TSBP1: variants seen among roughly 807,000 people sequenced by gnomAD.
TSBP1 encodes testis-expressed basic protein 1.
In TSBP1, 56 loss-of-function variants were observed where a neutral mutation model predicts 68.8. The observed-to-expected ratio is 0.81, with a 90% CI of 0.66 to 1.02. The LOEUF (loss-of-function observed/expected upper bound fraction) is 1.02, where lower values mean the gene tolerates loss of function less well. TSBP1 is among the 50% of genes least tolerant of loss of function. The pLI, the probability that TSBP1 is intolerant of heterozygous loss-of-function variation, is 0.00. For synonymous variants in TSBP1, 171 were observed against 208.7 expected, an observed-to-expected ratio of 0.82 and a Z score of 1.56; for missense variants, 502 against 641.2, an observed-to-expected ratio of 0.78 and a Z score of 2.34.
intron 6 of TSBP1, among the ~76,000 whole-genome samples, chr6:32,359,947 G>T (rs1772805543): frequency 6.6e-6 from 1 of 151,980 alleles, no homozygotes; most frequent in African/African-American, 2.4e-5. Context: ...GTATTACAGT[G>T]TGCGATTCTA....
At chr6:32,371,620 G>T in intron 1 of TSBP1, 74 bp downstream of exon 1, 1 of 1,031,146 alleles carries the variant, frequency 9.7e-7, no homozygotes, top group Non-Finnish European at 1.5e-6. Context: ...TTGTGTTAAA[G>T]TCCCTAAGTC....
At position 32,336,975 on chromosome 6, in the gene TSBP1, A is replaced by G. The variant is rs1769749313; in HGVS notation, c.410-340T>C. 1.4e-5 allele frequency among the ~76,000 whole-genome samples: 1 copy of G among 69,036 alleles called. No homozygotes were observed. The highest frequency in any genetic ancestry group is 4.1e-5 in the Non-Finnish European group (1 of 24,528). The allele number at this position is 69,036 out of a possible 152,430, so 45.3% of individuals were successfully genotyped here. The stretch of plus-strand genomic sequence containing the variant: ...CTTGGGCATCAGAAGGTGTCAGAAG[A>G]TTTGAATACAATTAAGAAGTATGAG... On this transcript the variant is annotated intron_variant, in intron 11 of 22. Coordinates refer to ENST00000612031, the Ensembl canonical transcript of TSBP1. This position sits in a 1 kb window ranked among gnomAD's most constrained non-coding sequence, Gnocchi z 5.2.
chr6:32,352,485 AAAG>A (rs1351590181), intron 8 of TSBP1, among the ~76,000 whole-genome samples: 7 of 152,076 alleles, frequency 4.6e-5, no homozygotes, highest in South Asian at 2.1e-4. Context: ...AGAAGGTAGA[AAAG>A]AAGATTTAAA....
rs1245792962 is a variant in TSBP1, at chr6:32,323,279, G to A, written c.539-142C>T. ...TCTATGACTATGTATTCTTGAGTAA[G>A]TATTTGGCTCAGTTTCTTATCTCTT... is the stretch of plus-strand genomic sequence containing the variant. On this transcript the variant is annotated intron_variant, in intron 17 of 22. Coordinates refer to ENST00000612031, the Ensembl canonical transcript of TSBP1. The A allele has an allele frequency of 2.0e-5, 13 of 665,268 alleles. 1 individual carries two copies. In the East Asian group the frequency reaches 3.2e-4, roughly 16 times the overall value. The allele number at this position is 665,268 out of a possible 1,614,324, so 41.2% of individuals were successfully genotyped here.
intron 6 of TSBP1, among the ~76,000 whole-genome samples, chr6:32,360,011 A>G (rs1199921463): frequency 6.6e-6 from 1 of 152,176 alleles, no homozygotes; most frequent in Non-Finnish European, 1.5e-5. Flanking sequence ...TAACATATCT[A>G]CCACTTCAAA....
chr6:32,345,546 G>A (rs1770917154), intron 9 of TSBP1, among the ~76,000 whole-genome samples: 1 of 148,778 alleles, frequency 6.7e-6, no homozygotes, highest in Admixed American at 6.7e-5. Flanking sequence ...TTATGCCTAA[G>A]TTTATTCATT....
At position 32,329,993 on chromosome 6, in the gene TSBP1, G is replaced by A. The variant is rs547203526; in HGVS notation, c.514+596C>T. 2.0e-5 allele frequency among the ~76,000 whole-genome samples: 3 copies of A among 151,574 alleles called. No individual in the cohort carries two copies. In the East Asian group the frequency reaches 5.8e-4, roughly 30 times the overall value. On this transcript the variant is annotated intron_variant, in intron 16 of 22. Transcript: ENST00000612031. ...TTACTGTTATATCCTGTTCCATGAG[G>A]TGCTCTGTCCTATCTTTCTTTTCCT...
At chr6:32,362,642 ATT>A (rs1328721804) in intron 6 of TSBP1, among the ~76,000 whole-genome samples, 1 of 152,160 alleles carries the variant, frequency 6.6e-6, no homozygotes, top group Non-Finnish European at 1.5e-5. Context: ...TCCAGAAACA[ATT>A]TTGTTTGACG....
intron 22 of TSBP1, among the ~76,000 whole-genome samples, chr6:32,295,349 C>CACA (rs1562048656): frequency 1.1e-5 from 1 of 90,866 alleles, no homozygotes; most frequent in Middle Eastern, 6.2e-3. Context: ...CACACACACA[C>CACA]AAAAAAAAAA....
chr6:32,325,072 G>A lies in TSBP1; in HGVS notation c.515-1458C>T. The A allele has an allele frequency of 2.1e-6, 1 of 466,344 alleles. No individual in the cohort carries two copies. Among genetic ancestry groups the A allele is most frequent in the Non-Finnish European group, 3.7e-6 (1 of 267,416 alleles). 28.9% of individuals were successfully genotyped at this position (466,344 alleles called of 1,614,324 possible). A position where few individuals can be genotyped will look rare whatever the true frequency, so the allele number is the denominator to read the frequency against. Reference sequence around the variant, plus strand: ...CATGGAAAGTTCCTAACATTCTTTAGAGTCATGTAAAAACTTTTTTCTCAG... The same window carrying A: ...CATGGAAAGTTCCTAACATTCTTTAAAGTCATGTAAAAACTTTTTTCTCAG... On this transcript the variant is annotated intron_variant, in intron 16 of 22. Transcript: ENST00000612031. The surrounding 1 kb of genome is among the most constrained non-coding windows in gnomAD (Gnocchi z 4.4).
intron 16 of TSBP1, chr6:32,324,326 C>T: frequency 2.3e-6 from 1 of 426,860 alleles, no homozygotes; most frequent in South Asian, 2.3e-5. Context: ...CTTATCTACT[C>T]CTTTCTCTCC....
rs7775978 is a variant in TSBP1, at chr6:32,361,118, G to A, written c.217+5049C>T. On this transcript the variant is annotated intron_variant, in intron 6 of 22. Coordinates refer to ENST00000612031, the Ensembl canonical transcript of TSBP1. The surrounding 1 kb of genome is among the most constrained non-coding windows in gnomAD (Gnocchi z 4.3). ...TTGTTCAGTTCCCACCTATGAGTGAGAACATGCAGTGTTTGGTTTTCTGTC... is the reference window on the plus strand; with the variant it reads ...TTGTTCAGTTCCCACCTATGAGTGAAAACATGCAGTGTTTGGTTTTCTGTC... Among the ~76,000 whole-genome samples, 72,361 of 151,846 alleles carry A rather than the reference G, an allele frequency of 0.48. 18,571 individuals are homozygous for A. The highest frequency in any genetic ancestry group is 0.59 in the Middle Eastern group (174 of 294).
In TSBP1 at chr6:32,316,328, C is replaced by G. The variant is rs1583020903; in HGVS notation, c.560-536G>C. 7.5e-7 allele frequency: 1 copy of G among 1,330,708 alleles called. No individual in the cohort carries two copies. The highest frequency in any genetic ancestry group is 2.4e-5 in the East Asian group (1 of 41,560). The allele number at this position is 1,330,708 out of a possible 1,614,324, so 82.4% of individuals were successfully genotyped here. On this transcript the variant is annotated intron_variant, in intron 18 of 22. Coordinates refer to ENST00000612031, the Ensembl canonical transcript of TSBP1. The surrounding 1 kb of genome is among the most constrained non-coding windows in gnomAD (Gnocchi z 4.5). ...AGGGAATAATGGGAACCACAAATCA[C>G]TTTGACAGAAGTGAAGTGAAGGGGA...
chr6:32,305,163 C>G (rs976054265), intron 19 of TSBP1, among the ~76,000 whole-genome samples: 3 of 152,084 alleles, frequency 2.0e-5, no homozygotes, highest in African/African-American at 7.2e-5. Flanking sequence ...CGAAGGAATT[C>G]TTAACAGGAC....
chr6:32,302,761 A>C lies in TSBP1; in HGVS notation c.581-132T>G. ...GACTTCTAGCAGAATACAATGAAATATGATGAGACAACAGATCCCTTAGTG... is the reference window on the plus strand; with the variant it reads ...GACTTCTAGCAGAATACAATGAAATCTGATGAGACAACAGATCCCTTAGTG... On this transcript the variant is annotated intron_variant, in intron 19 of 22. Transcript: ENST00000612031. The surrounding 1 kb of genome is among the most constrained non-coding windows in gnomAD (Gnocchi z 5.1). 9.3e-6 allele frequency: 6 copies of C among 643,276 alleles called. No homozygotes were observed. The South Asian group carries it at 1.0e-4, about 11-fold the overall frequency. 39.8% of individuals were successfully genotyped at this position (643,276 alleles called of 1,614,324 possible). A position where few individuals can be genotyped will look rare whatever the true frequency, so the allele number is the denominator to read the frequency against.
At chr6:32,364,575 C>T (rs1341404670) in intron 6 of TSBP1, among the ~76,000 whole-genome samples, 2 of 151,460 alleles carry the variant, frequency 1.3e-5, no homozygotes, top group African/African-American at 4.9e-5. Context: ...TTGTATGGCT[C>T]TGTTTTGTTT....
chr6:32,332,926 T>G (rs1462049556), intron 14 of TSBP1, among the ~76,000 whole-genome samples: 1 of 151,974 alleles, frequency 6.6e-6, no homozygotes, highest in Non-Finnish European at 1.5e-5. Flanking sequence ...CTTCAGTTTT[T>G]AATGAGAATT....
intron 8 of TSBP1, among the ~76,000 whole-genome samples, chr6:32,353,988 T>A (rs1771991722): frequency 6.6e-6 from 1 of 151,962 alleles, no homozygotes; most frequent in African/African-American, 2.4e-5. Flanking sequence ...GAGAAAGTAT[T>A]AGATAAAATC....
intron 6 of TSBP1, among the ~76,000 whole-genome samples, chr6:32,358,303 T>G (rs1383324001): frequency 6.6e-6 from 1 of 152,150 alleles, no homozygotes; most frequent in Non-Finnish European, 1.5e-5. Flanking sequence ...CCAAGAAATA[T>G]GAGATGTAAA....
Sources: allele counts gnomAD v4.1 joint callset (sites outside exome capture counted in the v4.1 genomes callset), GRCh38; gene constraint gnomAD v4.1.1; non-coding constraint Gnocchi (gnomAD v3.1); transcripts MANE v1.5; gene names NCBI Gene and HGNC (gene_info 2026-07-23, HGNC 2026-07-21).